Variants in SDK1 observed in about 807,000 individuals in gnomAD.
SDK1 encodes sidekick cell adhesion molecule 1, also known as protein sidekick-1.
In SDK1, 157 loss-of-function variants were observed where a neutral mutation model predicts 245.5. The ratio of observed to expected loss-of-function variants is 0.64; its 90% CI spans 0.56 to 0.73. SDK1 has a LOEUF of 0.73. SDK1 is among the 30% of genes least tolerant of loss of function. SDK1 has a pLI of 0.00. For missense variants in SDK1, 3,583 were observed against 3,002.3 expected (o/e 1.19, Z -4.52); for synonymous variants, 1,647 against 1,278.5 (o/e 1.29, Z -6.15).
intron 9 of SDK1, among the ~76,000 whole-genome samples, chr7:3,966,395 G>A (rs1004694660): frequency 2.0e-5 from 3 of 152,110 alleles, no homozygotes; most frequent in Non-Finnish European, 4.4e-5. Flanking sequence ...ACTGTTGTAC[G>A]GGGGGTTCCG....
At chr7:4,030,896 G>A (rs1223277035) in intron 17 of SDK1, among the ~76,000 whole-genome samples, 7 of 152,148 alleles carry the variant, frequency 4.6e-5, no homozygotes, top group Admixed American at 2.6e-4. Flanking sequence ...AAGTGTAAAT[G>A]TCTGCTTCCC....
At chr7:3,929,148 C>T (rs1583577680) in intron 5 of SDK1, among the ~76,000 whole-genome samples, 1 of 152,224 alleles carries the variant, frequency 6.6e-6, no homozygotes, top group South Asian at 2.1e-4. Context: ...TGCATTTGTC[C>T]TTGCCCTTGG....
Position 3,684,838 on chromosome 7 carries a change from C to T in SDK1, c.713+42733C>T, listed in dbSNP as rs547083163. The stretch of plus-strand genomic sequence containing the variant: ...GCAGAGAACTGAAAAATAGAATAAC[C>T]AAAATAAAATACTCATTAGATGGGC... On this transcript the variant is annotated intron_variant, in intron 4 of 44. Transcript: ENST00000404826. Among the ~76,000 whole-genome samples, 5 of 151,494 alleles carry T rather than the reference C, an allele frequency of 3.3e-5. No individual in the cohort carries two copies. In the South Asian group the frequency reaches 1.0e-3, roughly 32 times the overall value.
At chr7:4,071,033 A>G (rs1780226482) in intron 20 of SDK1, among the ~76,000 whole-genome samples, 2 of 151,118 alleles carry the variant, frequency 1.3e-5, no homozygotes, top group Non-Finnish European at 1.5e-5. Context: ...TTTTTTGTTT[A>G]TTTATTTTTT....
In SDK1 at chr7:3,821,593, G is replaced by T; in HGVS notation, c.847+10G>T. 1 of 1,610,992 alleles carries T rather than the reference G, an allele frequency of 6.2e-7. No individual in the cohort carries two copies. The highest frequency in any genetic ancestry group is 1.1e-5 in the South Asian group (1 of 90,298). On this transcript the variant is annotated intron_variant, in intron 5 of 44. Coordinates refer to ENST00000404826, the MANE Select transcript of SDK1 (RefSeq NM_152744.4). ...CATTTGAGCATAGCAAGTGAGTTTT[G>T]AAATCCCAAATGGTAATTCTGCAAG...
chr7:4,263,384 G>A (rs914483073), intron 44 of SDK1, among the ~76,000 whole-genome samples: 4 of 151,032 alleles, frequency 2.6e-5, no homozygotes, highest in African/African-American at 9.7e-5. Context: ...CTGCTGGGTG[G>A]GGAGGCCACC....
At chr7:4,206,495 T>G (rs572721927) in intron 36 of SDK1, among the ~76,000 whole-genome samples, 3 of 152,278 alleles carry the variant, frequency 2.0e-5, no homozygotes, top group Admixed American at 2.0e-4. Context: ...GTCCCAGATG[T>G]GAGGTCCCTG....
intron 5 of SDK1, among the ~76,000 whole-genome samples, chr7:3,880,575 C>T (rs1467778146): frequency 2.3e-5 from 2 of 87,164 alleles, no homozygotes; most frequent in African/African-American, 8.6e-5. Flanking sequence ...TTTTTAAGAA[C>T]ATGCAGACAG....
At chr7:3,833,916 A>G (rs1169086315) in intron 5 of SDK1, among the ~76,000 whole-genome samples, 1 of 152,128 alleles carries the variant, frequency 6.6e-6, no homozygotes, top group Non-Finnish European at 1.5e-5. Flanking sequence ...CACTTGAAGG[A>G]TGGATATTAA....
At chr7:4,085,672 A>T (rs1781381449) in intron 22 of SDK1, among the ~76,000 whole-genome samples, 1 of 152,150 alleles carries the variant, frequency 6.6e-6, no homozygotes, top group Non-Finnish European at 1.5e-5. Context: ...CTCCTGCCTC[A>T]GCCTCCTGAG....
At chr7:3,697,877 T>C (rs1784620924) in intron 4 of SDK1, among the ~76,000 whole-genome samples, 1 of 152,174 alleles carries the variant, frequency 6.6e-6, no homozygotes, top group African/African-American at 2.4e-5. Context: ...GATGGACTTT[T>C]CCCTTTTTGT....
At chr7:3,702,283 A>G (rs1784762759) in intron 4 of SDK1, among the ~76,000 whole-genome samples, 1 of 152,230 alleles carries the variant, frequency 6.6e-6, no homozygotes, top group Admixed American at 6.5e-5. Flanking sequence ...TTCTACAATT[A>G]AAAAAATCTA....
At chr7:3,685,219 A>G (rs919669332) in intron 4 of SDK1, among the ~76,000 whole-genome samples, 2 of 151,882 alleles carry the variant, frequency 1.3e-5, no homozygotes, top group Non-Finnish European at 2.9e-5. Flanking sequence ...TAAGTTAAAA[A>G]AAAAAAGAGA....
chr7:3,732,857 G>T (rs1424009786), intron 4 of SDK1, among the ~76,000 whole-genome samples: 1 of 152,302 alleles, frequency 6.6e-6, no homozygotes, highest in South Asian at 2.1e-4. Context: ...TTATCTTTCT[G>T]TGTTATTCTC....
At chr7:3,414,403 A>G (rs890428993) in intron 1 of SDK1, among the ~76,000 whole-genome samples, 3 of 152,124 alleles carry the variant, frequency 2.0e-5, no homozygotes, top group Non-Finnish European at 4.4e-5. Flanking sequence ...CCTGGAGTCT[A>G]AAGTGGGGAG....
intron 5 of SDK1, among the ~76,000 whole-genome samples, chr7:3,916,225 A>G (rs1368399642): frequency 2.0e-5 from 3 of 152,254 alleles, no homozygotes; most frequent in Non-Finnish European, 4.4e-5. Flanking sequence ...CCCTCAGTGG[A>G]TCTACATTTT....
chr7:3,338,580 C>T (rs1780263774), intron 1 of SDK1: 2 of 271,808 alleles, frequency 7.4e-6, no homozygotes, highest in Non-Finnish European at 1.4e-5. Flanking sequence ...TGGGGTGTCT[C>T]TCCTATGAAT....
intron 13 of SDK1, among the ~76,000 whole-genome samples, chr7:3,978,563 C>A (rs1017040595): frequency 2.0e-5 from 3 of 152,146 alleles, no homozygotes; most frequent in African/African-American, 7.2e-5. Flanking sequence ...CTATCCCAAA[C>A]CTGGATGAAT....
intron 40 of SDK1, among the ~76,000 whole-genome samples, chr7:4,232,352 GTTTTTTTCTTTCT>G: frequency 9.4e-6 from 1 of 106,932 alleles, no homozygotes; most frequent in East Asian, 2.7e-4. Flanking sequence ...AGTGTCATAA[GTTTTTTTCTTTCT>G]TTTTTTTTTT....
Sources: allele counts gnomAD v4.1 joint callset (sites outside exome capture counted in the v4.1 genomes callset), GRCh38; gene constraint gnomAD v4.1.1; transcripts MANE v1.5; gene names NCBI Gene and HGNC (gene_info 2026-07-23, HGNC 2026-07-21).